CNTNAP2: variants seen among roughly 807,000 people sequenced by gnomAD.
CNTNAP2 encodes contactin associated protein 2.
Under a neutral mutation model 155.2 loss-of-function variants are expected in CNTNAP2, and 98 were observed. The observed-to-expected ratio is 0.63, with a 90% CI of 0.54 to 0.75. The LOEUF (loss-of-function observed/expected upper bound fraction) is 0.75. CNTNAP2 is among the 30% of genes least tolerant of loss of function. The pLI is 0.00. For synonymous variants in CNTNAP2, 651 were observed against 631.2 expected (o/e 1.03, Z -0.47); for missense variants, 1,727 against 1,688.1 (o/e 1.02, Z -0.40).
intron 1 of CNTNAP2, among the ~76,000 whole-genome samples, chr7:146,337,731 C>A (rs534397907): frequency 6.6e-6 from 1 of 152,176 alleles, no homozygotes; most frequent in South Asian, 2.1e-4. Context: ...TCCAGCCTCC[C>A]AAAGTGCTGG....
intron 15 of CNTNAP2, among the ~76,000 whole-genome samples, chr7:148,029,151 A>G (rs1802424228): frequency 6.6e-6 from 1 of 152,134 alleles, no homozygotes; most frequent in South Asian, 2.1e-4. Context: ...AGTTTTCACC[A>G]TTCTATCTAC....
chr7:146,923,826 G>T (rs116303652), intron 3 of CNTNAP2, among the ~76,000 whole-genome samples: 2 of 152,064 alleles, frequency 1.3e-5, no homozygotes, highest in African/African-American at 2.4e-5. Context: ...TCAAAGTGTA[G>T]TGCCTGGATA....
intron 1 of CNTNAP2, among the ~76,000 whole-genome samples, chr7:146,758,630 C>G (rs59338316): frequency 2.0e-5 from 3 of 152,136 alleles, no homozygotes; most frequent in South Asian, 2.1e-4. Flanking sequence ...CAGGGAAACT[C>G]TCCTTTCTAA....
chr7:148,221,150 T>C (rs962112773), intron 19 of CNTNAP2, among the ~76,000 whole-genome samples: 4 of 152,200 alleles, frequency 2.6e-5, no homozygotes, highest in African/African-American at 9.7e-5. Context: ...GTGAGGACTT[T>C]CATTGTCTTC....
intron 1 of CNTNAP2, among the ~76,000 whole-genome samples, chr7:146,397,825 T>TG (rs1795651743): frequency 6.6e-6 from 1 of 152,114 alleles, no homozygotes; most frequent in African/African-American, 2.4e-5. Flanking sequence ...AGATATTTTA[T>TG]GTAGAACTAT....
chr7:148,054,445 GCC>G (rs1483081126), intron 15 of CNTNAP2, among the ~76,000 whole-genome samples: 3 of 124,392 alleles, frequency 2.4e-5, no homozygotes, highest in African/African-American at 9.5e-5. Context: ...TCTCTCAGTG[GCC>G]TTTTTTTTTT....
rs577554921 is a variant in CNTNAP2, at chr7:147,532,861, A to G, written c.1778-29277A>G. On this transcript the variant is annotated intron_variant, in intron 11 of 23. Coordinates refer to ENST00000361727, the MANE Select transcript of CNTNAP2 (RefSeq NM_014141.6). Reference sequence around the variant, plus strand: ...GGGAAAGACCAGCCCCCATGATTCAATTACCTCCCCCTGAGTTCCTCCCAC... The same window carrying G: ...GGGAAAGACCAGCCCCCATGATTCAGTTACCTCCCCCTGAGTTCCTCCCAC... Among the ~76,000 whole-genome samples the G allele has an allele frequency of 3.9e-5, 6 of 152,248 alleles. No individual in the cohort carries two copies. In the South Asian group the frequency reaches 1.0e-3, roughly 26 times the overall value.
chr7:146,625,311 G>A (rs1799400474), intron 1 of CNTNAP2, among the ~76,000 whole-genome samples: 1 of 151,680 alleles, frequency 6.6e-6, no homozygotes, highest in Non-Finnish European at 1.5e-5. Flanking sequence ...GTTTTGAAGG[G>A]ATAGAGATGC....
At chr7:146,559,852 A>C (rs201633193) in intron 1 of CNTNAP2, among the ~76,000 whole-genome samples, 1 of 5,796 alleles carries the variant, frequency 1.7e-4, no homozygotes, top group Non-Finnish European at 4.6e-4. Context: ...AATTACATAC[A>C]AAAAAAATGA....
intron 9 of CNTNAP2, among the ~76,000 whole-genome samples, chr7:147,337,786 T>A (rs1230809405): frequency 2.6e-5 from 4 of 152,100 alleles, no homozygotes; most frequent in African/African-American, 9.7e-5. Flanking sequence ...TTACATGGAG[T>A]ATTCAAAGCC....
At chr7:146,942,383 A>T (rs984537218) in intron 3 of CNTNAP2, among the ~76,000 whole-genome samples, 21 of 152,154 alleles carry the variant, frequency 1.4e-4, no homozygotes, top group African/African-American at 4.8e-4. Context: ...ATTCAAATAA[A>T]TGACATTACA....
intron 1 of CNTNAP2, among the ~76,000 whole-genome samples, chr7:146,163,585 C>CTATCTATATATATATATATATA (rs1354076042): frequency 6.0e-4 from 55 of 91,208 alleles, no homozygotes; most frequent in African/African-American, 2.0e-3. Flanking sequence ...ATCTATCTAT[C>CTATCTATATATATATATATATA]TATATATATA....
At chr7:146,442,347 G>A (rs1796331409) in intron 1 of CNTNAP2, among the ~76,000 whole-genome samples, 1 of 147,994 alleles carries the variant, frequency 6.8e-6, no homozygotes, top group African/African-American at 2.7e-5. Context: ...CTAAGTGTAG[G>A]TTTTTAATTC....
intron 11 of CNTNAP2, among the ~76,000 whole-genome samples, chr7:147,492,259 C>T (rs1448831986): frequency 6.6e-6 from 1 of 152,122 alleles, no homozygotes; most frequent in Non-Finnish European, 1.5e-5. Flanking sequence ...TTTCAGGATC[C>T]TATGAGAATC....
At chr7:147,587,714 T>C (rs1383654257) in intron 12 of CNTNAP2, among the ~76,000 whole-genome samples, 2 of 152,186 alleles carry the variant, frequency 1.3e-5, no homozygotes, top group African/African-American at 2.4e-5. Context: ...TCGGATATTC[T>C]TTTAAAGGCA....
Position 147,313,406 on chromosome 7 carries a change from T to G in CNTNAP2, c.1498+13116T>G, listed in dbSNP as rs967525852. The stretch of plus-strand genomic sequence containing the variant: ...TTTTTATGGTTTTAGGTCTAACATT[T>G]AAGTCTTTAATCCATCTTGAATTAA... On this transcript the variant is annotated intron_variant, in intron 9 of 23. Transcript: ENST00000361727. Among the ~76,000 whole-genome samples the G allele has an allele frequency of 1.3e-3, 201 of 151,418 alleles. 2 individuals carry two copies. The highest frequency in any genetic ancestry group is 8.1e-4 in the Non-Finnish European group (55 of 67,934).
chr7:147,059,280 G>C (rs1799618657), intron 4 of CNTNAP2, among the ~76,000 whole-genome samples: 1 of 152,132 alleles, frequency 6.6e-6, no homozygotes, highest in Admixed American at 6.5e-5. Flanking sequence ...CATTAAATTG[G>C]TTTGGAGGAT....
intron 10 of CNTNAP2, among the ~76,000 whole-genome samples, chr7:147,454,579 A>G (rs1179665685): frequency 6.6e-6 from 1 of 152,148 alleles, no homozygotes; most frequent in East Asian, 1.9e-4. Context: ...CAAGGATACA[A>G]TAAAATTTAA....
At chr7:147,208,271 C>T (rs1008847162) in intron 8 of CNTNAP2, among the ~76,000 whole-genome samples, 1 of 152,002 alleles carries the variant, frequency 6.6e-6, no homozygotes, top group African/African-American at 2.4e-5. Flanking sequence ...TCTATTAGTT[C>T]TGTTTTGCCT....
Sources: gnomAD v4.1 joint callset for allele counts (sites outside exome capture counted in the v4.1 genomes callset) on GRCh38, gnomAD v4.1.1 for gene constraint, MANE v1.5 for transcripts, NCBI Gene and HGNC (gene_info 2026-07-23, HGNC 2026-07-21) for gene names.